The following RUNX1T1 variants were observed in gnomAD, a reference collection of about 807,000 sequenced individuals.
RUNX1T1 encodes RUNX1 partner transcriptional co-repressor 1.
A neutral mutation model predicts 62.8 loss-of-function variants in RUNX1T1; 4 were observed. That is an observed-to-expected ratio of 0.06 (90% CI 0.03 to 0.15). RUNX1T1 has a LOEUF of 0.15. Among genes scored for constraint, RUNX1T1 ranks in the 10% least tolerant of loss-of-function variants. RUNX1T1 has a pLI of 1.00. For missense variants in RUNX1T1, 508 were observed against 754.3 expected (o/e 0.67, Z 3.82); for synonymous variants, 291 against 286.0 (o/e 1.02, Z -0.18).
intron 1 of RUNX1T1, among the ~76,000 whole-genome samples, chr8:92,030,305 G>C (rs1426133956): frequency 1.3e-5 from 2 of 152,150 alleles, no homozygotes; most frequent in African/African-American, 2.4e-5. Flanking sequence ...CCTCCTGCCA[G>C]AGAGTAGTGT....
chr8:91,963,551 AG>A (rs1370399019), intron 10 of RUNX1T1, among the ~76,000 whole-genome samples: 1 of 152,244 alleles, frequency 6.6e-6, no homozygotes, highest in Non-Finnish European at 1.5e-5. Context: ...CATACCTGCA[AG>A]ACTGATGCCT....
chr8:92,044,940 A>G (rs1017327557), intron 1 of RUNX1T1, among the ~76,000 whole-genome samples: 2 of 152,170 alleles, frequency 1.3e-5, no homozygotes, highest in Non-Finnish European at 2.9e-5. Context: ...AACAGAAAGT[A>G]ATAAAATAGA....
chr8:91,975,984 G>GA lies in RUNX1T1; in HGVS notation c.1199-12dup, dbSNP rs1813845113. On this transcript the variant is annotated splice_polypyrimidine_tract_variant and intron_variant, in intron 8 of 10. Transcript: ENST00000396218. ...ATTCCCGATGCGCGTCTATGAAAAG[G>GA]ATGGGAAGGGGGTGGAGAGAGGAGG... 1 of 1,605,516 alleles carries GA rather than the reference G, an allele frequency of 6.2e-7. No individual in the cohort carries two copies. The highest frequency in any genetic ancestry group is 8.5e-7 in the Non-Finnish European group (1 of 1,172,144).
chr8:91,978,541 T>C (rs970009513), intron 8 of RUNX1T1, among the ~76,000 whole-genome samples: 5 of 152,200 alleles, frequency 3.3e-5, no homozygotes, highest in African/African-American at 1.2e-4. Flanking sequence ...AACAAAGCCA[T>C]TGAAGAAGTT....
At chr8:92,053,165 G>A (rs1045554266) in intron 1 of RUNX1T1, among the ~76,000 whole-genome samples, 1 of 151,678 alleles carries the variant, frequency 6.6e-6, no homozygotes, top group African/African-American at 2.4e-5. Flanking sequence ...ATTATATATA[G>A]AATGAATTAT....
At chr8:91,974,427 A>G (rs562588465) in intron 9 of RUNX1T1, among the ~76,000 whole-genome samples, 3 of 152,270 alleles carry the variant, frequency 2.0e-5, no homozygotes, top group East Asian at 3.9e-4. Flanking sequence ...ATTTTTCTCT[A>G]TGAACTATCA....
intron 1 of RUNX1T1, 65 bp from the exon 2 acceptor site, chr8:92,076,202 T>C: frequency 2.3e-6 from 3 of 1,290,112 alleles, no homozygotes; most frequent in Non-Finnish European, 3.0e-6. Context: ...ATCATACCCA[T>C]CTGTTTACAT....
intron 1 of RUNX1T1, among the ~76,000 whole-genome samples, chr8:92,038,475 T>C (rs537093503): frequency 6.6e-6 from 1 of 152,024 alleles, no homozygotes; most frequent in Non-Finnish European, 1.5e-5. Flanking sequence ...TACGAGTTCA[T>C]GCTGTGGTCA....
At chr8:92,069,308 T>G (rs911479302) in intron 2 of RUNX1T1, among the ~76,000 whole-genome samples, 1 of 152,136 alleles carries the variant, frequency 6.6e-6, no homozygotes, top group Non-Finnish European at 1.5e-5. Flanking sequence ...ACAAAAGATT[T>G]CCCTATAGTT....
chr8:91,991,672 G>A lies in RUNX1T1; in HGVS notation c.877C>T (p.His293Tyr), dbSNP rs750841755. The change falls in exon 6 of 11, where the codon CAC becomes TAC. Residue 293 changes from histidine to tyrosine, a missense_variant. His to Tyr is a moderately conservative substitution (Grantham distance 83). Around this residue, in one of 7 missense-constraint regions of RUNX1T1, gnomAD observed 167 missense variants for 208.6 expected, o/e 0.80. Transcript: ENST00000396218. Reference sequence around the variant, plus strand: ...CTGTTTCTGTCCCTGAGGTCCCTGTGGCTGGGGTGTCGATAGGAGTCCCTG... The same window carrying A: ...CTGTTTCTGTCCCTGAGGTCCCTGTAGCTGGGGTGTCGATAGGAGTCCCTG... 43 of 1,614,064 alleles carry A rather than the reference G, an allele frequency of 2.7e-5. No individual in the cohort carries two copies. In the South Asian group the frequency reaches 4.4e-4, roughly 16 times the overall value.
chr8:92,010,893 T>A, intron 4 of RUNX1T1, 109 bp downstream of exon 5: 4 of 637,436 alleles, frequency 6.3e-6, no homozygotes. Flanking sequence ...ATAGTTTTCA[T>A]CCATTAAATT....
At chr8:92,010,781 T>A (rs1213029959) in intron 4 of RUNX1T1, 4 of 427,592 alleles carry the variant, frequency 9.4e-6, no homozygotes, top group African/African-American at 8.1e-5. Context: ...AAGAGACTTC[T>A]AAACTCTTCT....
At position 92,085,200 on chromosome 8, in the gene RUNX1T1, G is replaced by A. The variant is rs140577149; in HGVS notation, c.-85-9063C>T. 2.9e-3 allele frequency among the ~76,000 whole-genome samples: 449 copies of A among 152,316 alleles called. 1 individual carries two copies. The highest frequency in any genetic ancestry group is 0.01 in the African/African-American group (424 of 41,562). On this transcript the variant is annotated intron_variant, in intron 1 of 11. Coordinates refer to the RUNX1T1 transcript ENST00000265814. ...GACTGCCTTCTGGCAGGGAAGAGCA[G>A]CATCACTTCCCTCTGGAAGGGCAGA...
chr8:91,999,034 T>C (rs985857151), intron 5 of RUNX1T1, among the ~76,000 whole-genome samples: 1 of 152,236 alleles, frequency 6.6e-6, no homozygotes, highest in African/African-American at 2.4e-5. Flanking sequence ...AGGTCCCCAG[T>C]ATGTGTAATG....
At chr8:91,979,467 T>C (rs948191424) in intron 8 of RUNX1T1, among the ~76,000 whole-genome samples, 2 of 152,168 alleles carry the variant, frequency 1.3e-5, no homozygotes, top group Non-Finnish European at 2.9e-5. Context: ...TAGTGGTAGA[T>C]GCAAAGACAG....
intron 10 of RUNX1T1, among the ~76,000 whole-genome samples, chr8:91,967,145 A>C (rs994012117): frequency 6.6e-6 from 1 of 152,228 alleles, no homozygotes; most frequent in East Asian, 1.9e-4. Context: ...TAAACGAGCT[A>C]AAGTATAGAA....
At chr8:92,063,302 T>C (rs1464658550), upstream of RUNX1T1, among the ~76,000 whole-genome samples, 2 of 152,226 alleles carry the variant, frequency 1.3e-5, no homozygotes, top group African/African-American at 2.4e-5. Context: ...ACTTTTATTT[T>C]ACTCGAGTGC....
At chr8:92,034,795 T>TACACAC (rs763510689) in intron 1 of RUNX1T1, among the ~76,000 whole-genome samples, 15 of 73,470 alleles carry the variant, frequency 2.0e-4, no homozygotes, top group Non-Finnish European at 3.0e-4. Flanking sequence ...TATATACATA[T>TACACAC]ATACACACAC....
At chr8:92,102,919 C>G (rs997498394), upstream of RUNX1T1, 18 of 1,512,374 alleles carry the variant, frequency 1.2e-5, no homozygotes, top group Admixed American at 4.2e-5. The surrounding 1 kb of genome is among the most constrained non-coding windows in gnomAD (Gnocchi z 4.5). Context: ...TAAAACTTCC[C>G]GTCGTCTCGG....
Sources: gnomAD v4.1 joint callset for allele counts (sites outside exome capture counted in the v4.1 genomes callset) on GRCh38, gnomAD v4.1.1 for gene constraint, gnomAD v4.1.1 regional missense constraint, Gnocchi (gnomAD v3.1) non-coding constraint, MANE v1.5 for transcripts, NCBI Gene and HGNC (gene_info 2026-07-23, HGNC 2026-07-21) for gene names.